Variants in BCL7C observed in about 807,000 individuals in gnomAD.
BCL7C encodes the protein BAF chromatin remodeling complex subunit BCL7C.
BCL7C carries 8 observed loss-of-function variants against 26.2 expected under a neutral mutation model. The observed-to-expected ratio is 0.30, with a 90% confidence interval of 0.18 to 0.55. BCL7C has a LOEUF of 0.55. BCL7C is among the 20% of genes least tolerant of loss of function. The pLI is 0.93. For synonymous variants in BCL7C, 90 were observed against 116.5 expected (o/e 0.77, Z 1.47); for missense variants, 262 against 298.5 (o/e 0.88, Z 0.90).
chr16:30,863,088 C>G (rs2054792419), intron 5 of BCL7C, among the ~76,000 whole-genome samples: 1 of 152,078 alleles, frequency 6.6e-6, no homozygotes, highest in African/African-American at 2.4e-5. Flanking sequence ...ACACACCTGA[C>G]CCCCATGACT....
At chr16:30,844,395 G>A (rs2151360585) in intron 5 of BCL7C, among the ~76,000 whole-genome samples, 1 of 145,820 alleles carries the variant, frequency 6.9e-6, no homozygotes, top group East Asian at 2.0e-4. Flanking sequence ...AAACAAACTA[G>A]CAGCCTTACA....
intron 5 of BCL7C, among the ~76,000 whole-genome samples, chr16:30,855,235 AATTT>A (rs758999940): frequency 6.6e-6 from 1 of 151,498 alleles, no homozygotes; most frequent in African/African-American, 2.4e-5. Context: ...TTCTCAAATA[AATTT>A]ATTTATTTAT....
At chr16:30,856,461 G>A (rs1008749841) in intron 5 of BCL7C, among the ~76,000 whole-genome samples, 4 of 118,720 alleles carry the variant, frequency 3.4e-5, no homozygotes, top group African/African-American at 1.3e-4. Context: ...AAAAAAAAAA[G>A]TGTGGCAGCT....
rs7194174 is a variant in BCL7C, at chr16:30,870,491, C to T, written c.528+18369G>A. On this transcript the variant is annotated intron_variant, in intron 5 of 5. Transcript: ENST00000380317. ...ACCAGTGTGGCCAACATAGTGAGAC[C>T]CCGTCTTTACAAAAAAAATAAAAAA... 6.1e-3 allele frequency among the ~76,000 whole-genome samples: 918 copies of T among 151,410 alleles called. 5 individuals carry two copies. The highest frequency in any genetic ancestry group is 0.022 in the African/African-American group (891 of 41,266).
At chr16:30,854,541 T>G (rs1419927845) in intron 5 of BCL7C, among the ~76,000 whole-genome samples, 3 of 152,162 alleles carry the variant, frequency 2.0e-5, no homozygotes, top group African/African-American at 7.2e-5. Flanking sequence ...TTGGCCTCCT[T>G]ATGGATGAAA....
chr16:30,838,240 T>G (rs2054580687), intron 5 of BCL7C, among the ~76,000 whole-genome samples: 1 of 152,252 alleles, frequency 6.6e-6, no homozygotes, highest in East Asian at 1.9e-4. Flanking sequence ...AGCCTCAGTT[T>G]TCTTATTTGT....
At chr16:30,851,196 A>G in intron 5 of BCL7C, 1 of 304,788 alleles carries the variant, frequency 3.3e-6, no homozygotes, top group South Asian at 3.1e-5. Flanking sequence ...GCAAGAGGTC[A>G]GGTGAATATG....
chr16:30,861,338 C>A (rs1246226854), intron 5 of BCL7C, among the ~76,000 whole-genome samples: 1 of 152,120 alleles, frequency 6.6e-6, no homozygotes, highest in African/African-American at 2.4e-5. Context: ...TGAGAGAAAC[C>A]CCAGCCATAT....
intron 5 of BCL7C, among the ~76,000 whole-genome samples, chr16:30,870,416 C>T (rs1193708391): frequency 6.6e-6 from 1 of 152,074 alleles, no homozygotes; most frequent in East Asian, 1.9e-4. Context: ...TCCCAGCACA[C>T]CTGTCTTCTC....
Position 30,892,885 on chromosome 16 carries a change from C to T in BCL7C, c.235G>A (p.Ala79Thr), listed in dbSNP as rs1215480073. Residue 79 changes from alanine (A) to threonine (T), a missense_variant, in exon 3 of 6, where the codon GCC (alanine) becomes ACC (threonine). By Grantham distance (58) the Ala-to-Thr change is moderately conservative. Coordinates refer to ENST00000215115, the MANE Select transcript of BCL7C (RefSeq NM_004765.4). ...SRGRERRGRGASPRGGGPLIL... is the reference protein window; with the variant it reads ...SRGRERRGRGTSPRGGGPLIL... ...AGAGGGCCACCCCCTCGGGGACTGGCGCCCCTGCCCCGACGTTCCCGGCCA... is the reference window on the plus strand; with the variant it reads ...AGAGGGCCACCCCCTCGGGGACTGGTGCCCCTGCCCCGACGTTCCCGGCCA... 15 of 1,612,614 alleles carry T rather than the reference C, an allele frequency of 9.3e-6. No individual in the cohort carries two copies. The highest frequency in any genetic ancestry group is 1.3e-5 in the Non-Finnish European group (15 of 1,179,976).
intron 5 of BCL7C, among the ~76,000 whole-genome samples, chr16:30,873,948 T>G (rs1389585250): frequency 4.6e-5 from 1 of 21,564 alleles, no homozygotes; most frequent in African/African-American, 1.7e-4. Flanking sequence ...TATATAGATA[T>G]ATGTATACAC....
intron 5 of BCL7C, among the ~76,000 whole-genome samples, chr16:30,864,872 T>C (rs1355016995): frequency 9.0e-6 from 1 of 110,800 alleles, no homozygotes; most frequent in Non-Finnish European, 1.7e-5. Flanking sequence ...GAAGGTACTT[T>C]GTAATATTCT....
chr16:30,891,694 G>A (rs766082013), intron 4 of BCL7C, among the ~76,000 whole-genome samples: 10 of 152,238 alleles, frequency 6.6e-5, no homozygotes, highest in Non-Finnish European at 1.2e-4. Context: ...GCCAGGCACA[G>A]TGACTCACGC....
At chr16:30,855,958 A>G (rs2054716757) in intron 5 of BCL7C, among the ~76,000 whole-genome samples, 1 of 150,032 alleles carries the variant, frequency 6.7e-6, no homozygotes, top group Non-Finnish European at 1.5e-5. Context: ...GCTACTCAGG[A>G]GTCTGATGCA....
At chr16:30,884,492 GTTT>G (rs71149066), downstream of BCL7C, among the ~76,000 whole-genome samples, 3 of 98,286 alleles carry the variant, frequency 3.1e-5, no homozygotes, top group Admixed American at 1.1e-4. Context: ...ATCTCCATTT[GTTT>G]TTTTTTTTTT....
chr16:30,867,140 A>T (rs1472379520), intron 5 of BCL7C, among the ~76,000 whole-genome samples: 1 of 152,204 alleles, frequency 6.6e-6, no homozygotes, highest in Non-Finnish European at 1.5e-5. Flanking sequence ...ACATAAAACA[A>T]AGTGACAAAA....
chr16:30,855,441 C>T (rs774558349), intron 5 of BCL7C, among the ~76,000 whole-genome samples: 3 of 152,102 alleles, frequency 2.0e-5, no homozygotes, highest in Non-Finnish European at 4.4e-5. Context: ...TGGGGTTTCA[C>T]CACATTGGCC....
Position 30,888,660 on chromosome 16 carries a change from C to T in BCL7C, c.528+200G>A, listed in dbSNP as rs2055175523. On this transcript the variant is annotated intron_variant, in intron 5 of 5. Coordinates refer to ENST00000215115, the MANE Select transcript of BCL7C (RefSeq NM_004765.4). ...TTGTCAGGCTTTTAATGGTCTCAAT[C>T]AGCCCTGATCCAGCCCTCAGCACTT... is the stretch of plus-strand genomic sequence containing the variant. The T allele has an allele frequency of 1.7e-5, 8 of 479,344 alleles. 1 individual carries two copies. The East Asian group carries it at 3.0e-4, about 18-fold the overall frequency. The allele number at this position is 479,344 out of a possible 1,614,324, so 29.7% of individuals were successfully genotyped here.
At chr16:30,838,134 G>T (rs1465963638) in intron 5 of BCL7C, among the ~76,000 whole-genome samples, 1 of 152,214 alleles carries the variant, frequency 6.6e-6, no homozygotes, top group African/African-American at 2.4e-5. Context: ...CACCAAAGTG[G>T]TTAGGAGCAT....
Sources: allele counts gnomAD v4.1 joint callset (sites outside exome capture counted in the v4.1 genomes callset), GRCh38; gene constraint gnomAD v4.1.1; transcripts MANE v1.5; gene names NCBI Gene and HGNC (gene_info 2026-07-23, HGNC 2026-07-21).